GBP7: variants seen among roughly 807,000 people sequenced by gnomAD.
GBP7 encodes the protein guanylate-binding protein 7.
Under a neutral mutation model 61.3 loss-of-function variants are expected in GBP7, and 43 were observed. That is an observed-to-expected ratio of 0.70 (90% confidence interval 0.55 to 0.91). The LOEUF (loss-of-function observed/expected upper bound fraction) is 0.91. Among genes scored for constraint, GBP7 ranks in the 40% least tolerant of loss-of-function variants. The pLI is 0.00. For missense variants in GBP7, 717 were observed against 740.5 expected (o/e 0.97, Z 0.37); for synonymous variants, 267 against 271.0 (o/e 0.99, Z 0.14).
chr1:89,156,347 A>G (rs10922581), intron 3 of GBP7, among the ~76,000 whole-genome samples: 4,888 of 152,324 alleles, frequency 0.032, 195 homozygotes, highest in East Asian at 0.22. Context: ...AAATTCACAC[A>G]TAACAATATT....
At chr1:89,153,669 T>C (rs1183435517) in intron 3 of GBP7, among the ~76,000 whole-genome samples, 1 of 152,014 alleles carries the variant, frequency 6.6e-6, no homozygotes, top group Non-Finnish European at 1.5e-5. Flanking sequence ...ATTGTCAACA[T>C]AAAAATGCAA....
intron 3 of GBP7, among the ~76,000 whole-genome samples, chr1:89,159,606 A>T (rs1010786655): frequency 6.6e-6 from 1 of 150,834 alleles, no homozygotes; most frequent in Non-Finnish European, 1.5e-5. Flanking sequence ...CAGACACATG[A>T]AAAAATGATC....
At position 89,175,985 on chromosome 1, in the gene GBP7, T is replaced by G. The variant is rs1005351287; in HGVS notation, c.-84A>C. 5.3e-5 allele frequency: 8 copies of G among 152,234 alleles called. No individual in the cohort carries two copies. The highest frequency in any genetic ancestry group is 1.7e-4 in the African/African-American group (7 of 41,456). 9.4% of individuals were successfully genotyped at this position (152,234 alleles called of 1,614,324 possible). A position where few individuals can be genotyped will look rare whatever the true frequency, so the allele number is the denominator to read the frequency against. The stretch of plus-strand genomic sequence containing the variant: ...TCAATGAGAAAGTTATGAGTCTTTA[T>G]TCTCTTCTCTTTAGTTCTGAATTTG... On this transcript the variant is annotated 5_prime_UTR_variant, in exon 1 of 11. Transcript: ENST00000294671.
At chr1:89,165,662 G>A (rs935208341) in intron 2 of GBP7, among the ~76,000 whole-genome samples, 4 of 151,720 alleles carry the variant, frequency 2.6e-5, no homozygotes, top group Non-Finnish European at 5.9e-5. Context: ...GCAAGCTAAC[G>A]CAGGAACAGA....
At chr1:89,144,512 C>T (rs763197417) in intron 8 of GBP7, among the ~76,000 whole-genome samples, 2 of 152,146 alleles carry the variant, frequency 1.3e-5, no homozygotes, top group Middle Eastern at 3.2e-3. Context: ...AGTGTATAAG[C>T]GTTCCCTTTT....
At chr1:89,172,165 A>G (rs1266818590) in intron 1 of GBP7, among the ~76,000 whole-genome samples, 1 of 152,206 alleles carries the variant, frequency 6.6e-6, no homozygotes, top group Non-Finnish European at 1.5e-5. Context: ...CAGAAGCATG[A>G]TAGGTATGAA....
rs1682406138 is a variant in GBP7 at position 89,160,166 on chromosome 1, T to A, written c.318+4565A>T. 3.9e-5 allele frequency among the ~76,000 whole-genome samples: 6 copies of A among 152,166 alleles called. No individual in the cohort carries two copies. In the South Asian group the frequency reaches 1.2e-3, roughly 32 times the overall value. Reference sequence around the variant, plus strand: ...CATAGGTGGGAATTGAACAATGAGATCACTTGGACACAGGGTGAGGAACAT... The same window carrying A: ...CATAGGTGGGAATTGAACAATGAGAACACTTGGACACAGGGTGAGGAACAT... On this transcript the variant is annotated intron_variant, in intron 3 of 10. Transcript: ENST00000294671.
At chr1:89,171,367 T>C (rs1647591144) in intron 2 of GBP7, among the ~76,000 whole-genome samples, 1 of 152,124 alleles carries the variant, frequency 6.6e-6, no homozygotes, top group South Asian at 2.1e-4. Context: ...AGAGAAATTA[T>C]AACCAATAGT....
intron 2 of GBP7, among the ~76,000 whole-genome samples, chr1:89,165,692 C>G (rs908835289): frequency 1.3e-5 from 2 of 151,634 alleles, no homozygotes; most frequent in African/African-American, 4.9e-5. Context: ...ATCACATGTT[C>G]TCACTCCTAA....
chr1:89,137,727 T>C (rs1681840037), intron 9 of GBP7, among the ~76,000 whole-genome samples: 1 of 152,060 alleles, frequency 6.6e-6, no homozygotes, highest in South Asian at 2.1e-4. Flanking sequence ...AACATTTCAC[T>C]TGAGAACCAA....
chr1:89,138,950 C>T (rs1681873929), intron 9 of GBP7, among the ~76,000 whole-genome samples: 1 of 151,992 alleles, frequency 6.6e-6, no homozygotes. Context: ...AGTCTAATAT[C>T]CAGAATCTAT....
chr1:89,151,371 T>A (rs563351233), intron 5 of GBP7, among the ~76,000 whole-genome samples: 1 of 152,340 alleles, frequency 6.6e-6, no homozygotes, highest in South Asian at 2.1e-4. Flanking sequence ...ACTGTCCCCA[T>A]GTCAGAAATG....
At position 89,131,855 on chromosome 1, in the gene GBP7, T is replaced by C. The variant is rs1279089047; in HGVS notation, c.*294A>G. ...TTCTCACTGATTTGCAAGAGCTAAT[T>C]ATAACTTAAATTATCTCTGTGACTA... On this transcript the variant is annotated 3_prime_UTR_variant, in exon 11 of 11. Coordinates refer to ENST00000294671, the MANE Select transcript of GBP7 (RefSeq NM_207398.3). 4.6e-6 allele frequency: 1 copy of C among 216,322 alleles called. No homozygotes were observed. Among genetic ancestry groups the C allele is most frequent in the Non-Finnish European group, 9.1e-6 (1 of 110,468 alleles). The allele number at this position is 216,322 out of a possible 1,614,324, so 13.4% of individuals were successfully genotyped here. A position where few individuals can be genotyped will look rare whatever the true frequency, so the allele number is the denominator to read the frequency against.
At position 89,150,468 on chromosome 1, in the gene GBP7, G is replaced by A; in HGVS notation, c.733C>T (p.Leu245Phe). The A allele has an allele frequency of 6.2e-7, 1 of 1,614,084 alleles. No homozygotes were observed. Among genetic ancestry groups the A allele is most frequent in the South Asian group, 1.1e-5 (1 of 91,078 alleles). Reference sequence around the variant, plus strand: ...CGTACTTCTTCAACATGGAGTAAGAGTTTTTTGTCATTTATTGGCCGGTCA... The same window carrying A: ...CGTACTTCTTCAACATGGAGTAAGAATTTTTTGTCATTTATTGGCCGGTCA... ...VFDRPINDKK[L>F]LLHVEEVRED... Residue 245 changes from leucine (L) to phenylalanine (F), a missense_variant, in exon 6 of 11, where the codon CTC becomes TTC. This residue lies in a region of GBP7 where 387 missense variants were observed against 385.2 expected (regional missense o/e 1.00). Transcript: ENST00000294671.
chr1:89,133,925 A>G (rs192850946), intron 9 of GBP7, among the ~76,000 whole-genome samples: 56 of 151,704 alleles, frequency 3.7e-4, no homozygotes, highest in African/African-American at 1.3e-3. Context: ...ACAACCAGGA[A>G]CTCCCATCCC....
At chr1:89,168,978 A>AAAC (rs1553127061) in intron 2 of GBP7, among the ~76,000 whole-genome samples, 121 of 76,646 alleles carry the variant, frequency 1.6e-3, no homozygotes, top group African/African-American at 6.0e-3. Context: ...TCAAGTTAAA[A>AAAC]AAAAAACAAA....
chr1:89,136,589 A>C (rs1471573713), intron 9 of GBP7, among the ~76,000 whole-genome samples: 1 of 152,212 alleles, frequency 6.6e-6, no homozygotes, highest in Non-Finnish European at 1.5e-5. Flanking sequence ...TTAAGGCAGA[A>C]ATAAATTATT....
intron 3 of GBP7, among the ~76,000 whole-genome samples, chr1:89,158,062 C>A (rs1470470751): frequency 1.3e-5 from 2 of 152,236 alleles, no homozygotes; most frequent in South Asian, 2.1e-4. Flanking sequence ...TCAACACATG[C>A]AAATCAATAA....
intron 2 of GBP7, among the ~76,000 whole-genome samples, chr1:89,170,210 G>A (rs1364010392): frequency 6.6e-6 from 1 of 152,108 alleles, no homozygotes; most frequent in African/African-American, 2.4e-5. Context: ...AGTTCCACAT[G>A]GTCTTTTAAT....
Sources: allele counts gnomAD v4.1 joint callset (sites outside exome capture counted in the v4.1 genomes callset), GRCh38; gene constraint gnomAD v4.1.1; regional missense constraint gnomAD v4.1.1; transcripts MANE v1.5; gene names NCBI Gene and HGNC (gene_info 2026-07-23, HGNC 2026-07-21).